Variants in CADM2 observed in about 807,000 individuals in gnomAD.
CADM2 encodes the protein cell adhesion molecule 2, also known as immunoglobulin superfamily member 4D.
In CADM2, 12 loss-of-function variants were observed where a neutral mutation model predicts 49.8. That is an observed-to-expected ratio of 0.24 (90% confidence interval 0.15 to 0.39). CADM2 has a LOEUF of 0.39. Among genes scored for constraint, CADM2 ranks in the 10% least tolerant of loss-of-function variants. The probability of loss-of-function intolerance (pLI) is 1.00; values close to 1 mark genes in which losing one functional copy is unlikely to be tolerated. For missense variants in CADM2, 378 were observed against 492.3 expected (o/e 0.77, Z 2.20); for synonymous variants, 214 against 175.4 (o/e 1.22, Z -1.74).
chr3:85,498,038 A>G (rs2039974093), intron 1 of CADM2, among the ~76,000 whole-genome samples: 1 of 152,120 alleles, frequency 6.6e-6, no homozygotes. Context: ...TAATGGACAT[A>G]CACACAGTGG....
chr3:85,605,435 G>GA (rs1175827733), intron 1 of CADM2, among the ~76,000 whole-genome samples: 1 of 152,014 alleles, frequency 6.6e-6, no homozygotes, highest in Non-Finnish European at 1.5e-5. Context: ...ATCAGAGCGT[G>GA]AATAAGCTCT....
At chr3:85,191,254 C>T (rs1481661849) in intron 1 of CADM2, among the ~76,000 whole-genome samples, 2 of 151,776 alleles carry the variant, frequency 1.3e-5, no homozygotes, top group Non-Finnish European at 2.9e-5. Flanking sequence ...TTCATTTATT[C>T]ATATACCATT....
rs193254742 is a variant in CADM2 at position 86,055,811 on chromosome 3, C to G, written c.971-9794C>G. On this transcript the variant is annotated intron_variant, in intron 8 of 9. Transcript: ENST00000383699. ...GATTCATTATAAACTGATTTTTTAA[C>G]AGTGACTGTTTTGAGAAAAGCAGAG... Among the ~76,000 whole-genome samples the G allele has an allele frequency of 2.0e-3, 307 of 152,200 alleles. 1 individual carries two copies. Among genetic ancestry groups the G allele is most frequent in the African/African-American group, 6.5e-3 (271 of 41,538 alleles).
At chr3:85,190,771 AGT>A (rs1306275570) in intron 1 of CADM2, among the ~76,000 whole-genome samples, 1 of 152,162 alleles carries the variant, frequency 6.6e-6, no homozygotes, top group Non-Finnish European at 1.5e-5. Context: ...TGTAGAATGT[AGT>A]GATTATACTT....
At chr3:84,984,797 G>A (rs1028985669) in intron 1 of CADM2, among the ~76,000 whole-genome samples, 4 of 152,060 alleles carry the variant, frequency 2.6e-5, no homozygotes, top group African/African-American at 9.7e-5. Context: ...TCAATTTGTA[G>A]CATTTTCAAA....
At chr3:85,126,594 A>G (rs191415936) in intron 1 of CADM2, among the ~76,000 whole-genome samples, 2 of 152,114 alleles carry the variant, frequency 1.3e-5, no homozygotes, top group East Asian at 3.9e-4. Context: ...TGCCATTTTT[A>G]TTCTGTTAAG....
At chr3:85,120,526 A>T (rs1199328608) in intron 1 of CADM2, among the ~76,000 whole-genome samples, 2 of 152,156 alleles carry the variant, frequency 1.3e-5, no homozygotes. Context: ...TGTTTTTTGC[A>T]GGGACATGGA....
intron 1 of CADM2, among the ~76,000 whole-genome samples, chr3:84,961,732 ATG>A (rs1196582579): frequency 6.6e-6 from 1 of 152,006 alleles, no homozygotes; most frequent in Non-Finnish European, 1.5e-5. Flanking sequence ...ACACCGCTAG[ATG>A]TATTTTCCCT....
At chr3:85,319,167 C>T (rs557505783) in intron 1 of CADM2, among the ~76,000 whole-genome samples, 1 of 152,260 alleles carries the variant, frequency 6.6e-6, no homozygotes, top group East Asian at 1.9e-4. Context: ...TGCTAACTGT[C>T]ATTTATTTAG....
chr3:85,528,409 T>G (rs554326356), intron 1 of CADM2, among the ~76,000 whole-genome samples: 7 of 152,304 alleles, frequency 4.6e-5, no homozygotes, highest in African/African-American at 1.7e-4. Context: ...AAATGTGGAG[T>G]AAGCTTTCTG....
intron 8 of CADM2, among the ~76,000 whole-genome samples, chr3:86,048,721 T>A (rs948462578): frequency 1.3e-5 from 2 of 152,152 alleles, no homozygotes; most frequent in Non-Finnish European, 2.9e-5. Context: ...CTGTTTCCAT[T>A]GACATGACAT....
At chr3:85,455,929 C>A (rs1473746781) in intron 1 of CADM2, among the ~76,000 whole-genome samples, 1 of 152,040 alleles carries the variant, frequency 6.6e-6, no homozygotes, top group African/African-American at 2.4e-5. Context: ...ATAAATTACC[C>A]AAAATAACAC....
At chr3:85,634,741 T>A (rs2064409778) in intron 1 of CADM2, among the ~76,000 whole-genome samples, 1 of 152,132 alleles carries the variant, frequency 6.6e-6, no homozygotes, top group Admixed American at 6.5e-5. Flanking sequence ...ATGTGATAGA[T>A]CAATCATTTT....
Position 85,979,150 on chromosome 3 carries a change from T to A in CADM2, c.970+17503T>A, listed in dbSNP as rs376281492. 44 of 1,605,114 alleles carry A rather than the reference T, an allele frequency of 2.7e-5. No individual in the cohort carries two copies. In the African/African-American group the frequency reaches 5.2e-4, roughly 19 times the overall value. On this transcript the variant is annotated intron_variant, in intron 8 of 9. Coordinates refer to ENST00000383699, the MANE Select transcript of CADM2 (RefSeq NM_001167675.2). ...ATGATATGATTTTGTTTATATTTTTTTTCCACTCACCAGATGTTCCCAACA... is the reference window on the plus strand; with the variant it reads ...ATGATATGATTTTGTTTATATTTTTATTCCACTCACCAGATGTTCCCAACA...
At chr3:85,545,184 G>A (rs1217969489) in intron 1 of CADM2, among the ~76,000 whole-genome samples, 1 of 152,142 alleles carries the variant, frequency 6.6e-6, no homozygotes, top group African/African-American at 2.4e-5. Flanking sequence ...CCAATAATAA[G>A]CATGGCATCG....
chr3:85,666,535 G>A (rs1276044701), intron 1 of CADM2, among the ~76,000 whole-genome samples: 1 of 151,852 alleles, frequency 6.6e-6, no homozygotes, highest in African/African-American at 2.4e-5. Context: ...TATTTTACAT[G>A]ACATAAGAGA....
At position 85,216,489 on chromosome 3, in the gene CADM2, G is replaced by C. The variant is rs1358074464; in HGVS notation, c.61+256821G>C. Among the ~76,000 whole-genome samples, 2 of 151,380 alleles carry C rather than the reference G, an allele frequency of 1.3e-5. 1 individual carries two copies. On this transcript the variant is annotated intron_variant, in intron 1 of 9. Coordinates refer to ENST00000383699, the MANE Select transcript of CADM2 (RefSeq NM_001167675.2). Reference sequence around the variant, plus strand: ...ATAAAGAGATTAATTTGCAATAATTGATCATATTCTTTGCTGCAAATTAAA... The same window carrying C: ...ATAAAGAGATTAATTTGCAATAATTCATCATATTCTTTGCTGCAAATTAAA...
chr3:85,115,079 A>G (rs750597750), intron 1 of CADM2, among the ~76,000 whole-genome samples: 11 of 152,194 alleles, frequency 7.2e-5, no homozygotes, highest in Non-Finnish European at 1.5e-4. Context: ...ATTTCAAAAG[A>G]AAGAAGAGCC....
chr3:85,064,515 T>C (rs1157353994), intron 1 of CADM2, among the ~76,000 whole-genome samples: 2 of 152,136 alleles, frequency 1.3e-5, no homozygotes, highest in Non-Finnish European at 2.9e-5. Flanking sequence ...TGTTTTACCC[T>C]GAACTAGTAG....
Sources: gnomAD v4.1 joint callset for allele counts (sites outside exome capture counted in the v4.1 genomes callset) on GRCh38, gnomAD v4.1.1 for gene constraint, MANE v1.5 for transcripts, NCBI Gene and HGNC (gene_info 2026-07-23, HGNC 2026-07-21) for gene names.